BTG4: variants seen among roughly 807,000 people sequenced by gnomAD.
BTG4 encodes the protein protein BTG4.
A neutral mutation model predicts 19.3 loss-of-function variants in BTG4; 10 were observed. The ratio of observed to expected loss-of-function variants is 0.52; its 90% confidence interval spans 0.32 to 0.88. The LOEUF is 0.88. Among genes scored for constraint, BTG4 ranks in the 40% least tolerant of loss-of-function variants. The probability of loss-of-function intolerance (pLI) is 0.04; values close to 1 mark genes in which losing one functional copy is unlikely to be tolerated. For missense variants in BTG4, 238 were observed against 281.9 expected, an observed-to-expected ratio of 0.84 and a Z score of 1.11; for synonymous variants, 91 against 95.7, an observed-to-expected ratio of 0.95 and a Z score of 0.29.
upstream of BTG4, chr11:111,514,505 T>A: frequency 2.4e-6 from 1 of 412,368 alleles, no homozygotes; most frequent in Non-Finnish European, 4.5e-6. Context: ...CCACTGAGGA[T>A]ATAAGAAGCT....
intron 1 of BTG4, among the ~76,000 whole-genome samples, chr11:111,510,145 C>T (rs1164219531): frequency 1.3e-5 from 2 of 151,930 alleles, no homozygotes; most frequent in Admixed American, 1.3e-4. Flanking sequence ...CTCTTGACCT[C>T]GTGATCCGCC....
chr11:111,498,971 A>C (rs746987143), intron 1 of BTG4, among the ~76,000 whole-genome samples, 169 bp from the exon 2 acceptor site: 3 of 152,202 alleles, frequency 2.0e-5, no homozygotes, highest in African/African-American at 7.2e-5. Context: ...ATCAATCAAC[A>C]TAACAGCCAA....
At chr11:111,406,995 T>C in the BTG4 span, among the ~76,000 whole-genome samples, 1 of 152,166 alleles carries the variant, frequency 6.6e-6, no homozygotes, top group East Asian at 1.9e-4. Context: ...TAGTTGCTTA[T>C]CTAGAAAATT....
the BTG4 span, chr11:111,456,420 C>T: frequency 2.3e-6 from 1 of 433,248 alleles, no homozygotes; most frequent in South Asian, 1.6e-5. This position sits in a 1 kb window ranked among gnomAD's most constrained non-coding sequence, Gnocchi z 4.2. Flanking sequence ...TTCTCACCAG[C>T]TCCTTCCAGT....
At chr11:111,430,648 AT>A in the BTG4 span, among the ~76,000 whole-genome samples, 3 of 152,194 alleles carry the variant, frequency 2.0e-5, no homozygotes, top group Admixed American at 1.3e-4. Context: ...TGGCTTAGGG[AT>A]TTGGGGGGTC....
chr11:111,512,790 C>T (rs1243509851), upstream of BTG4: 2 of 245,388 alleles, frequency 8.2e-6, no homozygotes, highest in Non-Finnish European at 1.7e-5. Context: ...GCGAGGCCGG[C>T]GGGGGTCCCG....
At chr11:111,408,072 C>T in the BTG4 span, among the ~76,000 whole-genome samples, 1 of 152,222 alleles carries the variant, frequency 6.6e-6, no homozygotes, top group East Asian at 1.9e-4. Flanking sequence ...TCTGCACAGG[C>T]TTACCTCAGC....
downstream of BTG4, among the ~76,000 whole-genome samples, chr11:111,492,041 G>C (rs1865453730): frequency 6.6e-6 from 1 of 152,118 alleles, no homozygotes; most frequent in South Asian, 2.1e-4. Flanking sequence ...CCAAACCCTA[G>C]CACATTGTGG....
At chr11:111,475,459 G>T (rs1023627336) in intron 5 of BTG4, 3 of 150,554 alleles carry the variant, frequency 2.0e-5, no homozygotes, top group African/African-American at 7.3e-5. Context: ...TCACAAAGTA[G>T]ATGGATATAT....
intron 5 of BTG4, among the ~76,000 whole-genome samples, chr11:111,470,173 G>A (rs1863976225): frequency 6.6e-6 from 1 of 152,178 alleles, no homozygotes; most frequent in South Asian, 2.1e-4. Context: ...ACAGCTGACT[G>A]CAGCCTTGAC....
At chr11:111,387,804 A>G in the BTG4 span, among the ~76,000 whole-genome samples, 1 of 152,166 alleles carries the variant, frequency 6.6e-6, no homozygotes, top group Non-Finnish European at 1.5e-5. Flanking sequence ...AGCTTGGGGG[A>G]AAAATAGTCT....
rs1184091645 is a variant in BTG4 at position 111,512,294 on chromosome 11, A to G, written c.-140T>C. On this transcript the variant is annotated 5_prime_UTR_variant, in exon 1 of 5. Coordinates refer to ENST00000692032, the MANE Select transcript of BTG4 (RefSeq NM_001367975.1). The stretch of plus-strand genomic sequence containing the variant: ...TTGTCCCTCCTGCTAGATCAGAAAG[A>G]GAAACGTCTCAAGAATCTGGGCCTC... The G allele has an allele frequency of 6.6e-6, 1 of 152,218 alleles. No individual in the cohort carries two copies. The highest frequency in any genetic ancestry group is 1.5e-5 in the Non-Finnish European group (1 of 68,048). 9.4% of individuals were successfully genotyped at this position (152,218 alleles called of 1,614,324 possible). A position where few individuals can be genotyped will look rare whatever the true frequency, so the allele number is the denominator to read the frequency against.
chr11:111,453,666 A>T, the BTG4 span: 1 of 375,578 alleles, frequency 2.7e-6, no homozygotes, highest in Non-Finnish European at 5.3e-6. Context: ...ATCTTCCAAG[A>T]TTGCTCAATT....
At chr11:111,396,095 C>T in the BTG4 span, among the ~76,000 whole-genome samples, 1 of 152,202 alleles carries the variant, frequency 6.6e-6, no homozygotes, top group African/African-American at 2.4e-5. Flanking sequence ...CATCAAGTAG[C>T]AAATGATACT....
intron 5 of BTG4, among the ~76,000 whole-genome samples, chr11:111,476,135 T>TACAC (rs55989357): frequency 0.38 from 55,826 of 148,680 alleles, 10,578 homozygotes; most frequent in Middle Eastern, 0.48. Context: ...CCAGAATAGA[T>TACAC]ACACACACAC....
the BTG4 span, among the ~76,000 whole-genome samples, chr11:111,430,358 G>A: frequency 6.6e-6 from 1 of 152,206 alleles, no homozygotes; most frequent in African/African-American, 2.4e-5. Flanking sequence ...TTGAATCCTT[G>A]ACTAGCCTTC....
At chr11:111,480,459 T>C (rs1944117) in intron 5 of BTG4, among the ~76,000 whole-genome samples, 51,948 of 151,808 alleles carry the variant, frequency 0.34, 9,047 homozygotes, top group Middle Eastern at 0.39. Context: ...CAATCAACAT[T>C]ATCTAATTAA....
intron 1 of BTG4, among the ~76,000 whole-genome samples, chr11:111,500,643 C>T (rs144882290): frequency 1.1e-3 from 168 of 151,978 alleles, no homozygotes; most frequent in African/African-American, 3.8e-3. Flanking sequence ...GCTGGGTACT[C>T]ACATCACAAT....
intron 5 of BTG4, among the ~76,000 whole-genome samples, chr11:111,486,622 G>A (rs1448479577): frequency 6.6e-6 from 1 of 152,042 alleles, no homozygotes; most frequent in African/African-American, 2.4e-5. Context: ...GATGAATATA[G>A]ATGCAAAAAT....
Sources: allele counts gnomAD v4.1 joint callset (sites outside exome capture counted in the v4.1 genomes callset), GRCh38; gene constraint gnomAD v4.1.1; non-coding constraint Gnocchi (gnomAD v3.1); transcripts MANE v1.5; gene names NCBI Gene and HGNC (gene_info 2026-07-23, HGNC 2026-07-21).